The following SKI variants were observed in gnomAD, a reference collection of about 807,000 sequenced individuals.
The protein encoded by SKI is ski oncogene.
SKI carries 23 observed loss-of-function variants against 59.3 expected under a neutral mutation model. The observed-to-expected ratio is 0.39, with a 90% CI of 0.28 to 0.55. The LOEUF (loss-of-function observed/expected upper bound fraction) is 0.55, where lower values mean the gene tolerates loss of function less well. Among genes scored for constraint, SKI ranks in the 20% least tolerant of loss-of-function variants. The probability of loss-of-function intolerance (pLI) is 0.67; values close to 1 mark genes in which losing one functional copy is unlikely to be tolerated. For synonymous variants in SKI, 673 were observed against 488.6 expected (o/e 1.38, Z -4.98); for missense variants, 1,017 against 1,038.9 (o/e 0.98, Z 0.29).
In SKI at chr1:2,267,890, C is replaced by A. The variant is rs1168433523; in HGVS notation, c.970-35088C>A. ...TTTGGTTCCAGGTCACAGCTTGAACCTCAGGCCACCTCCAGTGGGAGGCTG... is the reference window on the plus strand; with the variant it reads ...TTTGGTTCCAGGTCACAGCTTGAACATCAGGCCACCTCCAGTGGGAGGCTG... On this transcript the variant is annotated intron_variant, in intron 1 of 6. Coordinates refer to ENST00000378536, the MANE Select transcript of SKI (RefSeq NM_003036.4). This position sits in a 1 kb window ranked among gnomAD's most constrained non-coding sequence, Gnocchi z 4.1. Among the ~76,000 whole-genome samples, 1 of 152,238 alleles carries A rather than the reference C, an allele frequency of 6.6e-6. No homozygotes were observed. The highest frequency in any genetic ancestry group is 2.4e-5 in the African/African-American group (1 of 41,474).
intron 1 of SKI, among the ~76,000 whole-genome samples, chr1:2,236,899 A>T (rs1321645884): frequency 2.0e-5 from 3 of 152,182 alleles, no homozygotes; most frequent in African/African-American, 7.2e-5. Context: ...TCGGCGGCTG[A>T]CTTAGAAAGA....
chr1:2,282,435 CGGTGGCGG>C (rs1639911124), intron 1 of SKI, among the ~76,000 whole-genome samples: 1 of 88,832 alleles, frequency 1.1e-5, no homozygotes, highest in Non-Finnish European at 2.3e-5. Context: ...AGAAGACAGG[CGGTGGCGG>C]AGATCTTCAG....
At chr1:2,247,740 G>A (rs529587526) in intron 1 of SKI, among the ~76,000 whole-genome samples, 1 of 152,220 alleles carries the variant, frequency 6.6e-6, no homozygotes, top group African/African-American at 2.4e-5. Context: ...CTGGCATCAG[G>A]ACTTGCTCTT....
Position 2,228,714 on chromosome 1 carries a change from G to T in SKI, c.-53G>T. ...GGCGCGCGGGGCGGCGGCGGGGGCC[G>T]GGGGGGCCCGGGCGCGCGGGAGCGG... is the stretch of plus-strand genomic sequence containing the variant. On this transcript the variant is annotated 5_prime_UTR_variant, in exon 1 of 7. Coordinates refer to ENST00000378536, the MANE Select transcript of SKI (RefSeq NM_003036.4). 2.1e-6 allele frequency: 2 copies of T among 970,554 alleles called. No homozygotes were observed. Among genetic ancestry groups the T allele is most frequent in the Non-Finnish European group, 2.4e-6 (2 of 816,596 alleles). 60.1% of individuals were successfully genotyped at this position (970,554 alleles called of 1,614,324 possible). A position where few individuals can be genotyped will look rare whatever the true frequency, so the allele number is the denominator to read the frequency against.
At chr1:2,235,480 C>T (rs1021451097) in intron 1 of SKI, among the ~76,000 whole-genome samples, 1 of 152,238 alleles carries the variant, frequency 6.6e-6, no homozygotes, top group African/African-American at 2.4e-5. Context: ...CCTCAGGAAG[C>T]TCTGGCTCAC....
At chr1:2,285,913 GC>G (rs1351538207) in intron 1 of SKI, among the ~76,000 whole-genome samples, 7 of 108,802 alleles carry the variant, frequency 6.4e-5, no homozygotes, top group African/African-American at 2.6e-4. Flanking sequence ...TCGCACTGTT[GC>G]CCAGGCTGGA....
intron 1 of SKI, among the ~76,000 whole-genome samples, chr1:2,239,588 G>C (rs1638822445): frequency 6.6e-6 from 1 of 152,274 alleles, no homozygotes; most frequent in Non-Finnish European, 1.5e-5. Flanking sequence ...GATGGCCCGC[G>C]TGCCGGGGAC....
In SKI at chr1:2,269,449, A is replaced by C. The variant is rs139878717; in HGVS notation, c.970-33529A>C. ...GCGGACACTGCGGGACACGTTCCCC[A>C]ACGTGGGATGTCCGTCCTCAGCAGT... On this transcript the variant is annotated intron_variant, in intron 1 of 6. Coordinates refer to ENST00000378536, the MANE Select transcript of SKI (RefSeq NM_003036.4). The surrounding 1 kb of genome is among the most constrained non-coding windows in gnomAD (Gnocchi z 4.7). Among the ~76,000 whole-genome samples, 424 of 152,374 alleles carry C rather than the reference A, an allele frequency of 2.8e-3. No homozygotes were observed. The highest frequency in any genetic ancestry group is 8.9e-3 in the African/African-American group (370 of 41,582).
At chr1:2,297,256 G>A (rs1157334425) in intron 1 of SKI, among the ~76,000 whole-genome samples, 3 of 152,152 alleles carry the variant, frequency 2.0e-5, no homozygotes, top group Admixed American at 6.5e-5. Context: ...ACAGGCATAA[G>A]CCACCACGCC....
At chr1:2,292,210 T>G (rs968201027) in intron 1 of SKI, among the ~76,000 whole-genome samples, 5 of 152,178 alleles carry the variant, frequency 3.3e-5, no homozygotes, top group African/African-American at 1.2e-4. Context: ...TCCCCACGCC[T>G]CCTTGCCCTG....
At chr1:2,260,529 CTTTTTCTTTTTTT>C (rs1639362305) in intron 1 of SKI, among the ~76,000 whole-genome samples, 1 of 51,324 alleles carries the variant, frequency 1.9e-5, no homozygotes. Context: ...TCAGTTTGTT[CTTTTTCTTTTTTT>C]TTTTTTTTTT....
At chr1:2,251,655 C>T (rs1336402364) in intron 1 of SKI, among the ~76,000 whole-genome samples, 2 of 152,294 alleles carry the variant, frequency 1.3e-5, no homozygotes, top group Admixed American at 6.5e-5. Flanking sequence ...GGGGGGCTGG[C>T]GCCGGGCAGT....
intron 1 of SKI, among the ~76,000 whole-genome samples, chr1:2,273,957 C>T (rs527583032): frequency 3.3e-5 from 5 of 152,094 alleles, no homozygotes; most frequent in South Asian, 2.1e-4. Context: ...TGACCGGCAG[C>T]GCCAGGATGG....
chr1:2,235,044 TA>T lies in SKI; in HGVS notation c.969+5310del, dbSNP rs1223028226. 1.6e-3 allele frequency among the ~76,000 whole-genome samples: 203 copies of T among 123,442 alleles called. 3 individuals are homozygous for T. Among genetic ancestry groups the T allele is most frequent in the East Asian group, 1.3e-3 (4 of 3,158 alleles). The allele number at this position is 123,442 out of a possible 152,430, so 81.0% of individuals were successfully genotyped here. Reference sequence around the variant, plus strand: ...CTGGAGCAGGGTTTTTTTTTGTTGTTATTTTTTTTTTTTTTTGAGACAGGGT... The same window carrying T: ...CTGGAGCAGGGTTTTTTTTTGTTGTTTTTTTTTTTTTTTTTGAGACAGGGT... On this transcript the variant is annotated intron_variant, in intron 1 of 6. Transcript: ENST00000378536.
At chr1:2,232,710 C>G (rs1638665417) in intron 1 of SKI, 1 of 152,364 alleles carries the variant, frequency 6.6e-6, no homozygotes, top group African/African-American at 2.4e-5. Flanking sequence ...CTATCCTTGA[C>G]AGGGGACCTT....
chr1:2,239,074 A>G (rs1638810322), intron 1 of SKI, among the ~76,000 whole-genome samples: 1 of 152,170 alleles, frequency 6.6e-6, no homozygotes, highest in African/African-American at 2.4e-5. Context: ...TCCTGGCTAC[A>G]ACCCTGTTGC....
chr1:2,301,296 CAT>C lies in SKI; in HGVS notation c.970-1680_970-1679del, dbSNP rs754754949. Reference sequence around the variant, plus strand: ...ACTCACTTCCCCTCGAAAGCCGCCACATAGAGGGGGTATTTTCAGTGTCTTTT... The same window carrying C: ...ACTCACTTCCCCTCGAAAGCCGCCACAGAGGGGGTATTTTCAGTGTCTTTT... On this transcript the variant is annotated intron_variant, in intron 1 of 6. Transcript: ENST00000378536. Among the ~76,000 whole-genome samples the C allele has an allele frequency of 6.0e-4, 92 of 152,234 alleles. 1 individual carries two copies. Among genetic ancestry groups the C allele is most frequent in the Non-Finnish European group, 3.4e-4 (23 of 68,030 alleles).
At chr1:2,291,516 G>C (rs1002799980) in intron 1 of SKI, among the ~76,000 whole-genome samples, 7 of 152,236 alleles carry the variant, frequency 4.6e-5, no homozygotes, top group Non-Finnish European at 5.9e-5. Flanking sequence ...GCCTCAGACC[G>C]AGGTCCCAGG....
intron 1 of SKI, among the ~76,000 whole-genome samples, chr1:2,280,065 C>T (rs1639837683): frequency 6.6e-6 from 1 of 152,150 alleles, no homozygotes; most frequent in Admixed American, 6.6e-5. Context: ...CACCTGAACC[C>T]CCTCTGGAAG....
Sources: allele counts gnomAD v4.1 joint callset (sites outside exome capture counted in the v4.1 genomes callset), GRCh38; gene constraint gnomAD v4.1.1; non-coding constraint Gnocchi (gnomAD v3.1); transcripts MANE v1.5; gene names NCBI Gene and HGNC (gene_info 2026-07-23, HGNC 2026-07-21).